RASA3: variants seen among roughly 807,000 people sequenced by gnomAD.
RASA3 encodes the protein RAS p21 protein activator 3, also known as ras GTPase-activating protein 3.
A neutral mutation model predicts 110.0 loss-of-function variants in RASA3; 73 were observed. That is an observed-to-expected ratio of 0.66 (90% confidence interval 0.55 to 0.81). The LOEUF is 0.81. Ranked by LOEUF, RASA3 falls within the 30% of genes least tolerant of loss-of-function variation. The pLI is 0.00. For synonymous variants in RASA3, 500 were observed against 451.4 expected (o/e 1.11, Z -1.37); for missense variants, 976 against 1,113.2 (o/e 0.88, Z 1.75).
At chr13:114,045,712 G>A (rs1417788812) in intron 3 of RASA3, among the ~76,000 whole-genome samples, 1 of 152,224 alleles carries the variant, frequency 6.6e-6, no homozygotes, top group Non-Finnish European at 1.5e-5. Context: ...GTGTGGAGAC[G>A]TCGACTGCGT....
At chr13:114,021,863 G>A (rs1215025856) in intron 8 of RASA3, among the ~76,000 whole-genome samples, 1 of 151,676 alleles carries the variant, frequency 6.6e-6, no homozygotes, top group Non-Finnish European at 1.5e-5. Flanking sequence ...GTCGCTGCGT[G>A]CACCCAGGAG....
intron 5 of RASA3, among the ~76,000 whole-genome samples, chr13:114,029,362 C>G (rs373059762): frequency 4.8e-5 from 1 of 20,776 alleles, no homozygotes; most frequent in Non-Finnish European, 7.6e-5. Context: ...ACCTCTAAAA[C>G]GGCATCATCC....
At chr13:114,111,056 C>T (rs1031883004) in intron 1 of RASA3, among the ~76,000 whole-genome samples, 1 of 84,740 alleles carries the variant, frequency 1.2e-5, no homozygotes, top group African/African-American at 4.4e-5. Flanking sequence ...CGAGTTCTAA[C>T]GGGCTGAGCC....
rs59098566 is a variant in RASA3, at chr13:114,102,495, G to A, written c.56-28658C>T. On this transcript the variant is annotated intron_variant, in intron 1 of 23. Transcript: ENST00000334062. Reference sequence around the variant, plus strand: ...CTCCCCCAGAGCCTGGTGCAGCTGCGTGGGACGGGCAGGAGGTGCGAGGGG... The same window carrying A: ...CTCCCCCAGAGCCTGGTGCAGCTGCATGGGACGGGCAGGAGGTGCGAGGGG... Among the ~76,000 whole-genome samples the A allele has an allele frequency of 1.4e-4, 21 of 152,278 alleles. No individual in the cohort carries two copies. The East Asian group carries it at 3.3e-3, about 24-fold the overall frequency.
chr13:114,088,470 C>T (rs901734810), intron 1 of RASA3, among the ~76,000 whole-genome samples: 4 of 152,266 alleles, frequency 2.6e-5, no homozygotes, highest in African/African-American at 9.6e-5. Flanking sequence ...AAAGGAATGC[C>T]TGAAGAATCA....
chr13:114,036,178 T>TC (rs2054275427), intron 4 of RASA3: 2 of 150,046 alleles, frequency 1.3e-5, no homozygotes, highest in Admixed American at 1.3e-4. Flanking sequence ...CGCTGGCATC[T>TC]CCCCCACTGG....
At chr13:114,031,161 CTGTG>C (rs932297244) in intron 4 of RASA3, among the ~76,000 whole-genome samples, 1 of 150,284 alleles carries the variant, frequency 6.7e-6, no homozygotes, top group Non-Finnish European at 1.5e-5. Flanking sequence ...GTGCATGCAG[CTGTG>C]TGTGTCTGCC....
intron 3 of RASA3, among the ~76,000 whole-genome samples, chr13:114,049,313 G>A (rs2079104856): frequency 6.6e-6 from 1 of 151,876 alleles, no homozygotes; most frequent in African/African-American, 2.4e-5. Flanking sequence ...AAGATAAATC[G>A]TTACCGGAGA....
chr13:114,083,501 A>G (rs1249229634), intron 1 of RASA3, among the ~76,000 whole-genome samples: 3 of 152,228 alleles, frequency 2.0e-5, no homozygotes, highest in Non-Finnish European at 4.4e-5. Flanking sequence ...CCGTGAAATC[A>G]CAGGAAGTGC....
intron 2 of RASA3, among the ~76,000 whole-genome samples, chr13:114,069,529 C>G (rs2139652423): frequency 1.6e-5 from 1 of 63,428 alleles, no homozygotes; most frequent in African/African-American, 7.3e-5. Context: ...GACACAGGGG[C>G]CAGGAGACTC....
rs142000950 is a variant in RASA3, at chr13:114,125,464, C to T, written c.55+6971G>A. ...GAGCGCGAGGTGGGAGGTGTGCCAC[C>T]GGATCTCACGAGAACTCACTCACTA... On this transcript the variant is annotated intron_variant, in intron 1 of 23. Coordinates refer to ENST00000334062, the MANE Select transcript of RASA3 (RefSeq NM_007368.4). Among the ~76,000 whole-genome samples, 553 of 152,038 alleles carry T rather than the reference C, an allele frequency of 3.6e-3. 11 individuals carry two copies. Among genetic ancestry groups the T allele is most frequent in the Admixed American group, 0.02 (305 of 15,270 alleles).
chr13:113,993,045 ATGT>A (rs2053155685), intron 21 of RASA3, among the ~76,000 whole-genome samples: 1 of 152,222 alleles, frequency 6.6e-6, no homozygotes, highest in African/African-American at 2.4e-5. Flanking sequence ...CCAGTGTAAT[ATGT>A]AATACTTGTA....
intron 14 of RASA3, among the ~76,000 whole-genome samples, chr13:114,013,453 CCCTTT>C (rs1480489166): frequency 1.0e-5 from 1 of 98,072 alleles, no homozygotes; most frequent in African/African-American, 6.2e-5. Flanking sequence ...CTGTCTCTCC[CCCTTT>C]GTCTCTCTCC....
intron 4 of RASA3, among the ~76,000 whole-genome samples, chr13:114,032,917 A>G (rs866537387): frequency 1.2e-3 from 52 of 43,286 alleles, no homozygotes; most frequent in Admixed American, 1.5e-3. Flanking sequence ...CATGCCCCAC[A>G]GCACCCCCAC....
chr13:114,019,358 C>T (rs2053865544), intron 9 of RASA3, among the ~76,000 whole-genome samples: 1 of 152,256 alleles, frequency 6.6e-6, no homozygotes, highest in Admixed American at 6.5e-5. Flanking sequence ...ACCTGGGCAC[C>T]TGGTCATTGT....
At chr13:114,110,143 G>C (rs7995373) in intron 1 of RASA3, among the ~76,000 whole-genome samples, 83,808 of 152,026 alleles carry the variant, frequency 0.55, 23,446 homozygotes, top group East Asian at 0.76. Context: ...GAAAAAAATA[G>C]TGAATCAACA....
intron 1 of RASA3, among the ~76,000 whole-genome samples, chr13:114,076,814 C>G (rs1052091751): frequency 1.4e-4 from 22 of 152,218 alleles, no homozygotes; most frequent in African/African-American, 4.8e-4. Context: ...TGTTTTGGAA[C>G]TGACGGCTTC....
intron 21 of RASA3, among the ~76,000 whole-genome samples, chr13:113,995,293 G>A (rs2053206266): frequency 6.6e-6 from 1 of 152,252 alleles, no homozygotes; most frequent in South Asian, 2.1e-4. Flanking sequence ...GCCTCTCCTG[G>A]GGGATTCTGG....
At chr13:114,067,020 G>T (rs373971401) in intron 2 of RASA3, among the ~76,000 whole-genome samples, 2 of 148,930 alleles carry the variant, frequency 1.3e-5, no homozygotes, top group Admixed American at 1.3e-4. Context: ...GGCTGAGGAC[G>T]GGCCCCCTGA....
Sources: allele counts gnomAD v4.1 joint callset (sites outside exome capture counted in the v4.1 genomes callset), GRCh38; gene constraint gnomAD v4.1.1; transcripts MANE v1.5; gene names NCBI Gene and HGNC (gene_info 2026-07-23, HGNC 2026-07-21).